The following CACNA2D4 variants were observed in gnomAD, a reference collection of about 807,000 sequenced individuals.
CACNA2D4 encodes the protein calcium voltage-gated channel auxiliary subunit alpha2delta 4.
CACNA2D4 carries 157 observed loss-of-function variants against 163.8 expected under a neutral mutation model. The ratio of observed to expected loss-of-function variants is 0.96; its 90% CI spans 0.84 to 1.09. The LOEUF (loss-of-function observed/expected upper bound fraction) is 1.09. CACNA2D4 is among the 50% of genes least tolerant of loss of function. The pLI, the probability that CACNA2D4 is intolerant of heterozygous loss-of-function variation, is 0.00. For synonymous variants in CACNA2D4, 598 were observed against 586.9 expected (o/e 1.02, Z -0.27); for missense variants, 1,410 against 1,479.9 (o/e 0.95, Z 0.78).
chr12:1,909,871 G>A (rs1866772078), intron 4 of CACNA2D4, 35 bp downstream of exon 4: 1 of 1,598,836 alleles, frequency 6.3e-7, no homozygotes, highest in Non-Finnish European at 8.6e-7. Flanking sequence ...AGGCGATCCT[G>A]GCCCTCTGGC....
chr12:1,840,100 T>C (rs1380964692), intron 26 of CACNA2D4, among the ~76,000 whole-genome samples: 1 of 152,158 alleles, frequency 6.6e-6, no homozygotes, highest in Non-Finnish European at 1.5e-5. Flanking sequence ...GTTGAACAGG[T>C]ATGGGCTGGA....
In CACNA2D4 at chr12:1,878,934, C is replaced by G. The variant is rs1304971796; in HGVS notation, c.1644+22G>C. On this transcript the variant is annotated intron_variant, in intron 15 of 37. Transcript: ENST00000382722. This position sits in a 1 kb window ranked among gnomAD's most constrained non-coding sequence, Gnocchi z 4.6. Reference sequence around the variant, plus strand: ...GCTCCTGGGGAACCTGTGATCCCCACAGGGAACAGACCCAGGCTCACCTTG... The same window carrying G: ...GCTCCTGGGGAACCTGTGATCCCCAGAGGGAACAGACCCAGGCTCACCTTG... 3.1e-6 allele frequency: 5 copies of G among 1,608,066 alleles called. No individual in the cohort carries two copies. The African/African-American group carries it at 6.7e-5, about 21-fold the overall frequency.
intron 6 of CACNA2D4, among the ~76,000 whole-genome samples, chr12:1,889,117 G>T (rs76290268): frequency 1.8e-4 from 27 of 152,324 alleles, no homozygotes; most frequent in African/African-American, 5.8e-4. Context: ...ATTTAGAATT[G>T]CATTGTCAGC....
Position 1,800,257 on chromosome 12 carries a change from G to A in CACNA2D4, c.2921+129C>T. 3.7e-6 allele frequency: 4 copies of A among 1,071,156 alleles called. No homozygotes were observed. The East Asian group carries it at 1.0e-4, about 27-fold the overall frequency. The allele number at this position is 1,071,156 out of a possible 1,614,324, so 66.4% of individuals were successfully genotyped here. ...GGTGGCGTCCATGCCCAGGGATTGT[G>A]CCCTCCTTCCCCGGGGTCTGGTAGC... On this transcript the variant is annotated intron_variant, in intron 32 of 37. Transcript: ENST00000382722.
intron 35 of CACNA2D4, among the ~76,000 whole-genome samples, chr12:1,796,424 A>G (rs960067395): frequency 6.6e-6 from 1 of 152,218 alleles, no homozygotes; most frequent in Non-Finnish European, 1.5e-5. Flanking sequence ...TGCAGATGAG[A>G]GAATGGAGAC....
At chr12:1,850,202 T>C (rs1176945507) in intron 23 of CACNA2D4, among the ~76,000 whole-genome samples, 1 of 152,180 alleles carries the variant, frequency 6.6e-6, no homozygotes, top group Non-Finnish European at 1.5e-5. Flanking sequence ...AATCTACGAG[T>C]GCCTGACTCC....
intron 18 of CACNA2D4, among the ~76,000 whole-genome samples, chr12:1,870,915 A>G (rs1865755834): frequency 6.6e-6 from 1 of 152,172 alleles, no homozygotes; most frequent in African/African-American, 2.4e-5. Flanking sequence ...AGAGAGAGAA[A>G]GACAGTGTAA....
intron 12 of CACNA2D4, 154 bp downstream of exon 12, chr12:1,884,084 TCCAAA>T: frequency 1.7e-6 from 1 of 586,950 alleles, no homozygotes. Flanking sequence ...CCTTGCTTTT[TCCAAA>T]TATGAAGGAG....
intron 6 of CACNA2D4, among the ~76,000 whole-genome samples, chr12:1,888,558 C>G (rs539816698): frequency 2.2e-4 from 33 of 152,144 alleles, no homozygotes; most frequent in Non-Finnish European, 4.7e-4. Context: ...ACACATAATA[C>G]AAAGAACATA....
In CACNA2D4 at chr12:1,795,289, C is replaced by G. The variant is rs146586032; in HGVS notation, c.3309+10G>C. ...AATCCAGCCCACCCTCGATCCGCCT[C>G]AACCCGCACCTCTGGATGGAAGGCG... On this transcript the variant is annotated intron_variant, in intron 37 of 37. Coordinates refer to ENST00000382722, the MANE Select transcript of CACNA2D4 (RefSeq NM_172364.5). 1 of 1,612,844 alleles carries G rather than the reference C, an allele frequency of 6.2e-7. No individual in the cohort carries two copies. Among genetic ancestry groups the G allele is most frequent in the East Asian group, 2.2e-5 (1 of 44,858 alleles).
chr12:1,797,694 TGAGGG>T (rs1863176115), intron 34 of CACNA2D4, 159 bp from the exon 35 acceptor site: 1 of 659,088 alleles, frequency 1.5e-6, no homozygotes, highest in South Asian at 1.6e-5. Context: ...GGGCGGGGGG[TGAGGG>T]GAGGGAAGAC....
rs1009941424 is a variant in CACNA2D4 at position 1,869,167 on chromosome 12, A to C, written c.1878+5437T>G. ...CTTATAATGATTTTGTACTGTGTCA[A>C]ATTAGCTAAGCTGGAACTACACTTC... On this transcript the variant is annotated intron_variant, in intron 18 of 37. Transcript: ENST00000382722. The surrounding 1 kb of genome is among the most constrained non-coding windows in gnomAD (Gnocchi z 4.7). Among the ~76,000 whole-genome samples, 1 of 152,228 alleles carries C rather than the reference A, an allele frequency of 6.6e-6. No homozygotes were observed. The highest frequency in any genetic ancestry group is 2.4e-5 in the African/African-American group (1 of 41,456).
chr12:1,867,092 A>C (rs887067088), intron 18 of CACNA2D4, among the ~76,000 whole-genome samples: 2 of 152,006 alleles, frequency 1.3e-5, no homozygotes, highest in African/African-American at 2.4e-5. Context: ...TATGTAATGC[A>C]TCTTTTTTCC....
Position 1,883,317 on chromosome 12 carries a change from C to G in CACNA2D4, c.1352-317G>C, listed in dbSNP as rs147241492. 1.6e-3 allele frequency among the ~76,000 whole-genome samples: 238 copies of G among 152,306 alleles called. 1 individual carries two copies. The highest frequency in any genetic ancestry group is 5.3e-3 in the African/African-American group (220 of 41,560). ...CCTCTCCCTCTCCCAGCCTCGCCCT[C>G]CCACTTCCTCACAGGAACATCTCAT... On this transcript the variant is annotated intron_variant, in intron 12 of 37. Transcript: ENST00000382722. The surrounding 1 kb of genome is among the most constrained non-coding windows in gnomAD (Gnocchi z 4.5).
intron 22 of CACNA2D4, among the ~76,000 whole-genome samples, chr12:1,855,375 C>G (rs1860052): frequency 0.71 from 108,550 of 152,062 alleles, 39,576 homozygotes; most frequent in Non-Finnish European, 0.79. Flanking sequence ...ATGACCTGCT[C>G]TTTCTTCCAA....
chr12:1,853,769 G>T (rs150492793), intron 23 of CACNA2D4, among the ~76,000 whole-genome samples, 182 bp downstream of exon 23: 1 of 152,304 alleles, frequency 6.6e-6, no homozygotes, highest in South Asian at 2.1e-4. Flanking sequence ...AGGAGCTGTC[G>T]GAATGGGACT....
intron 30 of CACNA2D4, among the ~76,000 whole-genome samples, 152 bp downstream of exon 30, chr12:1,801,422 G>A (rs138579083): frequency 7.4e-4 from 113 of 152,254 alleles, no homozygotes; most frequent in African/African-American, 2.5e-3. Context: ...TCATGCTGAC[G>A]CCCTGGCTCC....
chr12:1,911,546 G>C (rs925767909), intron 3 of CACNA2D4, among the ~76,000 whole-genome samples: 8 of 152,110 alleles, frequency 5.3e-5, no homozygotes, highest in South Asian at 4.1e-4. Context: ...AAATCCCACA[G>C]GGGAAAGCTC....
intron 9 of CACNA2D4, among the ~76,000 whole-genome samples, chr12:1,885,625 C>T (rs2429185): frequency 0.48 from 72,973 of 152,088 alleles, 20,473 homozygotes; most frequent in Non-Finnish European, 0.62. Context: ...GTCCTCCTTT[C>T]GGGGAAGCTT....
Sources: allele counts gnomAD v4.1 joint callset (sites outside exome capture counted in the v4.1 genomes callset), GRCh38; gene constraint gnomAD v4.1.1; non-coding constraint Gnocchi (gnomAD v3.1); transcripts MANE v1.5; gene names NCBI Gene and HGNC (gene_info 2026-07-23, HGNC 2026-07-21).